Variants in LSP1 observed in about 807,000 individuals in gnomAD.
LSP1 encodes lymphocyte-specific protein 1.
Under a neutral mutation model 49.3 loss-of-function variants are expected in LSP1, and 32 were observed. The observed-to-expected ratio is 0.65, with a 90% CI of 0.49 to 0.87. The LOEUF is 0.87. LSP1 is among the 40% of genes least tolerant of loss of function. The pLI, the probability that LSP1 is intolerant of heterozygous loss-of-function variation, is 0.00. For missense variants in LSP1, 428 were observed against 442.6 expected (o/e 0.97, Z 0.30); for synonymous variants, 179 against 178.8 (o/e 1.00, Z -0.01).
intron 4 of LSP1, 73 bp from the exon 5 acceptor site, chr11:1,883,859 C>A: frequency 2.2e-6 from 3 of 1,366,818 alleles, no homozygotes; most frequent in Non-Finnish European, 3.0e-6. Context: ...AGCATTTGTT[C>A]CCACAGGTGC....
Position 1,884,684 on chromosome 11 carries a change from C to A in LSP1, c.717+103C>A. On this transcript the variant is annotated intron_variant, in intron 7 of 10. Transcript: ENST00000311604. This position sits in a 1 kb window ranked among gnomAD's most constrained non-coding sequence, Gnocchi z 4.1. ...ATCCAATCAGTGCCGCCTTATTCAA[C>A]CAACACCCTATCCAACCAATGCTTC... is the stretch of plus-strand genomic sequence containing the variant. 2 of 920,442 alleles carry A rather than the reference C, an allele frequency of 2.2e-6. No homozygotes were observed. The highest frequency in any genetic ancestry group is 1.7e-6 in the Non-Finnish European group (1 of 583,584). 57.0% of individuals were successfully genotyped at this position (920,442 alleles called of 1,614,324 possible).
chr11:1,855,841 C>T (rs7112859), intron 1 of LSP1, among the ~76,000 whole-genome samples: 53,048 of 152,060 alleles, frequency 0.35, 9,540 homozygotes, highest in East Asian at 0.53. Context: ...CCTCTATAGC[C>T]CCCAAGAGCA....
chr11:1,886,931 CG>C (rs1435075360), intron 8 of LSP1, 65 bp downstream of exon 8: 1 of 1,563,194 alleles, frequency 6.4e-7, no homozygotes, highest in Non-Finnish European at 8.7e-7. Flanking sequence ...AGTAGCAGGC[CG>C]GGTTTCCTTG....
At chr11:1,872,471 G>A (rs187954127) in intron 1 of LSP1, among the ~76,000 whole-genome samples, 30 of 132,878 alleles carry the variant, frequency 2.3e-4, no homozygotes, top group African/African-American at 7.9e-4. Flanking sequence ...GTCCGCTGGC[G>A]TGGGCACCTT....
intron 3 of LSP1, among the ~76,000 whole-genome samples, 174 bp from the exon 4 acceptor site, chr11:1,883,243 GCT>G (rs1848621349): frequency 6.6e-6 from 1 of 152,266 alleles, no homozygotes; most frequent in South Asian, 2.1e-4. Flanking sequence ...GACTGCGCTG[GCT>G]CTGAGGCCAC....
At chr11:1,877,436 C>G (rs369776905) in intron 1 of LSP1, among the ~76,000 whole-genome samples, 1 of 152,204 alleles carries the variant, frequency 6.6e-6, no homozygotes, top group African/African-American at 2.4e-5. Context: ...GCATCCCCTA[C>G]TCTGTCCCCC....
intron 1 of LSP1, among the ~76,000 whole-genome samples, chr11:1,858,485 C>A (rs1019586141): frequency 2.0e-5 from 3 of 152,060 alleles, no homozygotes; most frequent in African/African-American, 7.2e-5. Flanking sequence ...CAAATCCCAG[C>A]CCTCAGCATC....
chr11:1,853,292 G>A (rs577841812), intron 1 of LSP1, 95 bp downstream of exon 1: 2 of 1,345,810 alleles, frequency 1.5e-6, no homozygotes, highest in South Asian at 1.4e-5. Context: ...GGTGCCTGAT[G>A]GGGAATCTGG....
In LSP1 at chr11:1,884,416, C is replaced by T. The variant is rs1172261600; in HGVS notation, c.636-84C>T. ...AGTCACAAGGTAGAGATCTGGAGAC[C>T]GAGGGGGGCTCTGGGAGAGGCTTGG... is the stretch of plus-strand genomic sequence containing the variant. On this transcript the variant is annotated intron_variant, in intron 6 of 10. Coordinates refer to ENST00000311604, the MANE Select transcript of LSP1 (RefSeq NM_002339.3). This position sits in a 1 kb window ranked among gnomAD's most constrained non-coding sequence, Gnocchi z 4.1. 1.7e-5 allele frequency: 27 copies of T among 1,605,300 alleles called. 1 individual carries two copies. The highest frequency in any genetic ancestry group is 1.5e-4 in the South Asian group (14 of 90,904).
At chr11:1,891,117 G>T in intron 10 of LSP1, 1 of 157,458 alleles carries the variant, frequency 6.4e-6, no homozygotes, top group Admixed American at 6.0e-5. Context: ...CGGCCAAGAG[G>T]CTTGGGAAAG....
chr11:1,890,875 A>G, intron 10 of LSP1: 1 of 437,414 alleles, frequency 2.3e-6, no homozygotes, highest in Non-Finnish European at 4.1e-6. Context: ...CCTCCATGCC[A>G]CCCCAGCACA....
chr11:1,881,173 TAGCCCTGCTG>T lies in LSP1; in HGVS notation c.192-254_192-245del, dbSNP rs1340704152. On this transcript the variant is annotated intron_variant, in intron 2 of 10. Transcript: ENST00000311604. ...TAGCCCCAGGCTGATGGAGGAGGCA[TAGCCCTGCTG>T]AGCCTCAAGGAGTCCTGGACTGATG... 5 of 416,148 alleles carry T rather than the reference TAGCCCTGCTG, an allele frequency of 1.2e-5. No homozygotes were observed. In the Admixed American group the frequency reaches 1.7e-4, roughly 14 times the overall value. 25.8% of individuals were successfully genotyped at this position (416,148 alleles called of 1,614,324 possible).
intron 10 of LSP1, chr11:1,889,407 G>A: frequency 1.5e-6 from 1 of 685,534 alleles, no homozygotes. Flanking sequence ...CCGGGAGGCG[G>A]GGGCCCGGGG....
intron 7 of LSP1, among the ~76,000 whole-genome samples, 193 bp from the exon 8 acceptor site, chr11:1,886,539 C>A (rs1338878450): frequency 1.3e-5 from 2 of 152,238 alleles, no homozygotes; most frequent in Non-Finnish European, 2.9e-5. Flanking sequence ...CTCTTCAGGA[C>A]AGGGAGGTGT....
At chr11:1,883,077 C>T (rs951848101) in intron 3 of LSP1, among the ~76,000 whole-genome samples, 4 of 152,204 alleles carry the variant, frequency 2.6e-5, no homozygotes, top group Non-Finnish European at 5.9e-5. Context: ...TCAGACCAAC[C>T]GGGTGTGCAA....
In LSP1 at chr11:1,871,077, C is replaced by A. The variant is rs539690364; in HGVS notation, c.54-9010C>A. 1.6e-5 allele frequency: 16 copies of A among 985,568 alleles called. No individual in the cohort carries two copies. In the East Asian group the frequency reaches 1.5e-3, roughly 91 times the overall value. The allele number at this position is 985,568 out of a possible 1,614,324, so 61.1% of individuals were successfully genotyped here. On this transcript the variant is annotated intron_variant, in intron 1 of 10. Transcript: ENST00000311604. ...GAGAGCTGCGGCGGAGGACGCTGATCGCGGAGTGCAGGCGAGGGCCCCAGA... is the reference window on the plus strand; with the variant it reads ...GAGAGCTGCGGCGGAGGACGCTGATAGCGGAGTGCAGGCGAGGGCCCCAGA...
intron 1 of LSP1, among the ~76,000 whole-genome samples, chr11:1,872,036 C>A (rs1256087419): frequency 7.2e-6 from 1 of 139,854 alleles, no homozygotes; most frequent in Non-Finnish European, 1.5e-5. Flanking sequence ...GTGTGGCAGG[C>A]AGGCCTGGGC....
intron 4 of LSP1, 33 bp downstream of exon 4, chr11:1,883,593 C>G (rs766813902): frequency 2.1e-4 from 339 of 1,577,684 alleles, no homozygotes; most frequent in Non-Finnish European, 2.8e-4. Flanking sequence ...TCTGGGTGTA[C>G]CCCCACCCCA....
At chr11:1,867,278 C>A (rs1048671360) in intron 1 of LSP1, among the ~76,000 whole-genome samples, 1 of 152,132 alleles carries the variant, frequency 6.6e-6, no homozygotes, top group African/African-American at 2.4e-5. Context: ...GCAAGGCTGA[C>A]ACGTGTGCAC....
Sources: allele counts gnomAD v4.1 joint callset (sites outside exome capture counted in the v4.1 genomes callset), GRCh38; gene constraint gnomAD v4.1.1; non-coding constraint Gnocchi (gnomAD v3.1); transcripts MANE v1.5; gene names NCBI Gene and HGNC (gene_info 2026-07-23, HGNC 2026-07-21).